The following EPHA4 variants were observed in gnomAD, a reference collection of about 807,000 sequenced individuals.
EPHA4 encodes the protein ephrin type-A receptor 4.
A neutral mutation model predicts 108.3 loss-of-function variants in EPHA4; 19 were observed. That is an observed-to-expected ratio of 0.18 (90% CI 0.12 to 0.26). The LOEUF (loss-of-function observed/expected upper bound fraction) is 0.26, where lower values mean the gene tolerates loss of function less well. Among genes scored for constraint, EPHA4 ranks in the 10% least tolerant of loss-of-function variants. The probability of loss-of-function intolerance (pLI) is 1.00; values close to 1 mark genes in which losing one functional copy is unlikely to be tolerated. For missense variants in EPHA4, 917 were observed against 1,254.0 expected (o/e 0.73, Z 4.06); for synonymous variants, 449 against 455.5 (o/e 0.99, Z 0.18).
intron 14 of EPHA4, among the ~76,000 whole-genome samples, chr2:221,433,491 CTTTCT>C (rs1018122259): frequency 2.6e-5 from 4 of 152,038 alleles, no homozygotes; most frequent in African/African-American, 7.2e-5. Context: ...TTGATCAATG[CTTTCT>C]TTTATTTTTT....
At chr2:221,526,934 A>T (rs1163557733) in intron 3 of EPHA4, among the ~76,000 whole-genome samples, 1 of 145,746 alleles carries the variant, frequency 6.9e-6, no homozygotes, top group Non-Finnish European at 1.5e-5. Context: ...CAGTATTAAA[A>T]TCTGAATCTA....
At chr2:221,519,378 G>A (rs182357123) in intron 3 of EPHA4, among the ~76,000 whole-genome samples, 230 of 152,194 alleles carry the variant, frequency 1.5e-3, no homozygotes, top group Non-Finnish European at 2.7e-3. Context: ...ACCTTAAGTC[G>A]GAGACAACAG....
At chr2:221,461,222 T>A (rs2106121528) in intron 5 of EPHA4, among the ~76,000 whole-genome samples, 2 of 152,316 alleles carry the variant, frequency 1.3e-5, no homozygotes, top group Admixed American at 1.3e-4. Flanking sequence ...TTACATAATA[T>A]CTCATCGGTG....
intron 3 of EPHA4, among the ~76,000 whole-genome samples, chr2:221,552,963 C>T (rs1255736176): frequency 6.6e-6 from 1 of 152,086 alleles, no homozygotes; most frequent in Non-Finnish European, 1.5e-5. Context: ...TGGGCCTCTC[C>T]ATAAGTGATG....
intron 5 of EPHA4, among the ~76,000 whole-genome samples, chr2:221,478,103 G>T (rs1187949605): frequency 6.6e-6 from 1 of 151,974 alleles, no homozygotes; most frequent in Non-Finnish European, 1.5e-5. Context: ...GATTTAAAAC[G>T]CCAGAATATG....
chr2:221,500,091 C>T (rs1020331319), intron 4 of EPHA4, among the ~76,000 whole-genome samples: 7 of 152,068 alleles, frequency 4.6e-5, no homozygotes, highest in African/African-American at 9.7e-5. Context: ...TCATCCTATG[C>T]GATGTACATA....
Position 221,563,928 on chromosome 2 carries a change from C to T in EPHA4, c.626G>A (p.Arg209His), listed in dbSNP as rs759721341. ...VFYKKCPLTV[R>H]NLAQFPDTIT... is the part of the protein sequence containing the mutation. ...GGTGTCAGGAAACTGGGCCAGATTG[C>T]GGACTGTGAGTGGACACTTTTTATA... is the stretch of plus-strand genomic sequence containing the variant. Residue 209 changes from arginine to histidine, a missense_variant, in exon 3 of 18, where the codon CGC (arginine) becomes CAC (histidine). Transcript: ENST00000281821. 3.1e-6 allele frequency: 5 copies of T among 1,614,040 alleles called. No homozygotes were observed. The highest frequency in any genetic ancestry group is 2.2e-5 in the East Asian group (1 of 44,886).
intron 3 of EPHA4, among the ~76,000 whole-genome samples, chr2:221,512,141 A>C (rs985393088): frequency 2.6e-5 from 4 of 152,194 alleles, no homozygotes; most frequent in African/African-American, 9.6e-5. Flanking sequence ...CTCTATAATA[A>C]TATTTTTAAG....
intron 3 of EPHA4, among the ~76,000 whole-genome samples, chr2:221,509,381 A>AT (rs889689338): frequency 6.6e-6 from 1 of 152,168 alleles, no homozygotes; most frequent in Non-Finnish European, 1.5e-5. Flanking sequence ...TTATTTCGAG[A>AT]TTTTTTTGTG....
In EPHA4 at chr2:221,426,072, G is replaced by T; in HGVS notation, c.2917C>A (p.Arg973=). The T allele has an allele frequency of 3.1e-6, 5 of 1,614,028 alleles. No homozygotes were observed. Among genetic ancestry groups the T allele is most frequent in the Non-Finnish European group, 4.2e-6 (5 of 1,179,994 alleles). Residue 973 remains arginine, a synonymous_variant, in exon 17 of 18, where the codon CGA becomes AGA. Transcript: ENST00000281821. ...NKILSSVQAM[R]TQMQQMHGRM... ...CCGTGCATCTGCTGCATTTGGGTTC[G>T]CATTGCCTGGACACTGCTCAAAATC...
At chr2:221,544,277 G>A (rs1253747686) in intron 3 of EPHA4, among the ~76,000 whole-genome samples, 4 of 152,168 alleles carry the variant, frequency 2.6e-5, no homozygotes, top group Non-Finnish European at 5.9e-5. Flanking sequence ...CAAAGGCTAA[G>A]TCTTATAGAT....
At chr2:221,442,720 A>G (rs904338734) in intron 11 of EPHA4, 109 bp downstream of exon 11, 3 of 1,121,454 alleles carry the variant, frequency 2.7e-6, no homozygotes, top group African/African-American at 3.1e-5. Flanking sequence ...ATTTCCTCCT[A>G]TTAGCAATCA....
intron 5 of EPHA4, among the ~76,000 whole-genome samples, chr2:221,466,294 T>G (rs1691312581): frequency 6.6e-6 from 1 of 152,218 alleles, no homozygotes; most frequent in Non-Finnish European, 1.5e-5. Context: ...AATTTAGTTT[T>G]CACTGAATTA....
At chr2:221,528,120 T>C (rs1015996283) in intron 3 of EPHA4, among the ~76,000 whole-genome samples, 1 of 151,640 alleles carries the variant, frequency 6.6e-6, no homozygotes, top group Non-Finnish European at 1.5e-5. Context: ...TCATTCTCTC[T>C]TGTGTAAATG....
chr2:221,508,404 C>T (rs1031542601), intron 3 of EPHA4, among the ~76,000 whole-genome samples: 1 of 151,960 alleles, frequency 6.6e-6, no homozygotes, highest in African/African-American at 2.4e-5. Flanking sequence ...CATGGTGAAC[C>T]CTGTCTCTGC....
intron 9 of EPHA4, among the ~76,000 whole-genome samples, chr2:221,443,846 G>C (rs970269437): frequency 6.6e-6 from 1 of 152,170 alleles, no homozygotes; most frequent in Non-Finnish European, 1.5e-5. Flanking sequence ...TCAAGGACAA[G>C]ATTTTTAAAA....
At chr2:221,526,809 C>T (rs76950766) in intron 3 of EPHA4, among the ~76,000 whole-genome samples, 2,696 of 123,200 alleles carry the variant, frequency 0.022, 82 homozygotes, top group Admixed American at 0.092. Context: ...ATCGAGATCG[C>T]GCCATTGCAT....
chr2:221,435,806 GTT>G (rs1420467929), intron 13 of EPHA4, among the ~76,000 whole-genome samples: 1 of 151,986 alleles, frequency 6.6e-6, no homozygotes, highest in Non-Finnish European at 1.5e-5. Context: ...TGGTATAAAT[GTT>G]TTATAAATCC....
In EPHA4 at chr2:221,502,532, A is replaced by G. The variant is rs544388540; in HGVS notation, c.824-1360T>C. 3 of 471,358 alleles carry G rather than the reference A, an allele frequency of 6.4e-6. No homozygotes were observed. The East Asian group carries it at 2.1e-4, about 33-fold the overall frequency. 29.2% of individuals were successfully genotyped at this position (471,358 alleles called of 1,614,324 possible). On this transcript the variant is annotated intron_variant, in intron 3 of 17. Transcript: ENST00000281821. ...CAGCAACGCAGCAGATCTTACTGAAATGAGTACTAGAAAGAGATCCATGAA... is the reference window on the plus strand; with the variant it reads ...CAGCAACGCAGCAGATCTTACTGAAGTGAGTACTAGAAAGAGATCCATGAA...
Sources: gnomAD v4.1 joint callset for allele counts (sites outside exome capture counted in the v4.1 genomes callset) on GRCh38, gnomAD v4.1.1 for gene constraint, MANE v1.5 for transcripts, NCBI Gene and HGNC (gene_info 2026-07-23, HGNC 2026-07-21) for gene names.